Variants in GREB1L observed in about 807,000 individuals in gnomAD.
The protein encoded by GREB1L is GREB1-like protein.
A neutral mutation model predicts 200.8 loss-of-function variants in GREB1L; 17 were observed. The observed-to-expected ratio is 0.08, with a 90% CI of 0.06 to 0.13. The LOEUF (loss-of-function observed/expected upper bound fraction) is 0.13, where lower values mean the gene tolerates loss of function less well. Among genes scored for constraint, GREB1L ranks in the 10% least tolerant of loss-of-function variants. The pLI is 1.00. For synonymous variants in GREB1L, 789 were observed against 893.0 expected, an observed-to-expected ratio of 0.88 and a Z score of 2.08; for missense variants, 1,657 against 2,367.7, an observed-to-expected ratio of 0.70 and a Z score of 6.23.
At chr18:21,266,765 A>C (rs546344080) in intron 1 of GREB1L, among the ~76,000 whole-genome samples, 1 of 152,298 alleles carries the variant, frequency 6.6e-6, no homozygotes, top group South Asian at 2.1e-4. Flanking sequence ...TGAGTTCCAC[A>C]TTAAAGCAGA....
intron 2 of GREB1L, among the ~76,000 whole-genome samples, chr18:21,372,991 C>A (rs889201019): frequency 6.6e-6 from 1 of 151,484 alleles, no homozygotes; most frequent in African/African-American, 2.4e-5. Flanking sequence ...TTATGTTTGG[C>A]CCAAGACATT....
At chr18:21,297,762 T>C (rs1359971620) in intron 1 of GREB1L, among the ~76,000 whole-genome samples, 1 of 152,194 alleles carries the variant, frequency 6.6e-6, no homozygotes, top group African/African-American at 2.4e-5. Flanking sequence ...AGACACCTTT[T>C]AACTTTGTTT....
intron 15 of GREB1L, among the ~76,000 whole-genome samples, chr18:21,468,525 A>T (rs2145638334): frequency 6.6e-6 from 1 of 152,360 alleles, no homozygotes; most frequent in South Asian, 2.1e-4. Context: ...TGGGTAAATT[A>T]TATGTGAATA....
intron 2 of GREB1L, among the ~76,000 whole-genome samples, chr18:21,371,351 T>G (rs2039864390): frequency 6.6e-6 from 1 of 152,136 alleles, no homozygotes; most frequent in Admixed American, 6.6e-5. Flanking sequence ...CTTTGGAACT[T>G]TTACATTATT....
In GREB1L at chr18:21,427,432, G is replaced by A. The variant is rs566576310; in HGVS notation, c.833-12089G>A. ...AGGTGGGAGGATCACATGAGCCCAG[G>A]AACTTGAGGTTGTTGTGAGCTGTGA... On this transcript the variant is annotated intron_variant, in intron 7 of 32. Transcript: ENST00000424526. Among the ~76,000 whole-genome samples, 3 of 152,164 alleles carry A rather than the reference G, an allele frequency of 2.0e-5. No individual in the cohort carries two copies. The South Asian group carries it at 6.2e-4, about 32-fold the overall frequency.
At chr18:21,372,940 CT>C (rs57702520) in intron 2 of GREB1L, among the ~76,000 whole-genome samples, 1 of 150,834 alleles carries the variant, frequency 6.6e-6, no homozygotes, top group Non-Finnish European at 1.5e-5. Context: ...CTTTTCTTTT[CT>C]TTTTTTTTGC....
rs188124722 is a variant in GREB1L, at chr18:21,423,035, A to G, written c.833-16486A>G. ...AACCTCCACCTCCTGGGTTCAAGCAATTCTCCTGCCTCAGCATCCCAAGTA... is the reference window on the plus strand; with the variant it reads ...AACCTCCACCTCCTGGGTTCAAGCAGTTCTCCTGCCTCAGCATCCCAAGTA... On this transcript the variant is annotated intron_variant, in intron 7 of 32. Coordinates refer to ENST00000424526, the MANE Select transcript of GREB1L (RefSeq NM_001142966.3). 2.2e-4 allele frequency among the ~76,000 whole-genome samples: 34 copies of G among 152,254 alleles called. No homozygotes were observed. The East Asian group carries it at 6.0e-3, about 27-fold the overall frequency.
intron 1 of GREB1L, among the ~76,000 whole-genome samples, chr18:21,309,875 T>TA (rs2038763416): frequency 1.3e-5 from 2 of 152,024 alleles, no homozygotes; most frequent in African/African-American, 4.8e-5. Context: ...GCTAAAAACA[T>TA]CCTGCAATGC....
intron 7 of GREB1L, among the ~76,000 whole-genome samples, chr18:21,429,712 T>C (rs1266127461): frequency 2.0e-5 from 3 of 152,210 alleles, no homozygotes; most frequent in Admixed American, 1.3e-4. Flanking sequence ...ATTTAGTCTC[T>C]TTGCTTGTTA....
chr18:21,252,520 G>A (rs1435243394), intron 1 of GREB1L, among the ~76,000 whole-genome samples: 1 of 137,708 alleles, frequency 7.3e-6, no homozygotes, highest in Non-Finnish European at 1.5e-5. Context: ...TCGCACCATT[G>A]CACTCCAGCC....
chr18:21,366,563 T>A (rs2039686254), intron 2 of GREB1L, among the ~76,000 whole-genome samples: 1 of 148,344 alleles, frequency 6.7e-6, no homozygotes. Flanking sequence ...TTTATAAAAG[T>A]TTTTTTTTCT....
chr18:21,483,483 T>C (rs1400906402), intron 17 of GREB1L, among the ~76,000 whole-genome samples: 1 of 152,198 alleles, frequency 6.6e-6, no homozygotes, highest in East Asian at 1.9e-4. Context: ...TGTCATTCAA[T>C]CTATGTTGTC....
At chr18:21,301,177 T>G (rs749899845) in intron 1 of GREB1L, among the ~76,000 whole-genome samples, 33 of 152,370 alleles carry the variant, frequency 2.2e-4, no homozygotes, top group Admixed American at 7.8e-4. Context: ...AATTTGCCAT[T>G]TATTTCATGG....
At chr18:21,318,754 G>A (rs2038909415) in intron 1 of GREB1L, among the ~76,000 whole-genome samples, 1 of 152,158 alleles carries the variant, frequency 6.6e-6, no homozygotes, top group African/African-American at 2.4e-5. Flanking sequence ...TAACCTTGTA[G>A]GAGTCACCAG....
rs376304937 is a variant in GREB1L, at chr18:21,267,345, C to G, written c.-120+24952C>G. Among the ~76,000 whole-genome samples the G allele has an allele frequency of 3.2e-4, 49 of 152,106 alleles. No individual in the cohort carries two copies. The South Asian group carries it at 0.01, about 32-fold the overall frequency. On this transcript the variant is annotated intron_variant, in intron 1 of 32. Coordinates refer to ENST00000424526, the MANE Select transcript of GREB1L (RefSeq NM_001142966.3). ...TACAGGTGCATGCCACCACAGCCAGCTAATTTTTGTATTTTTAGTAGACAC... is the reference window on the plus strand; with the variant it reads ...TACAGGTGCATGCCACCACAGCCAGGTAATTTTTGTATTTTTAGTAGACAC...
At chr18:21,405,343 G>A (rs903543653) in intron 7 of GREB1L, among the ~76,000 whole-genome samples, 27 of 152,272 alleles carry the variant, frequency 1.8e-4, no homozygotes, top group African/African-American at 6.0e-4. Context: ...GATTGATCCC[G>A]TGATATGTTA....
At chr18:21,426,696 C>T (rs995196191) in intron 7 of GREB1L, among the ~76,000 whole-genome samples, 2 of 152,024 alleles carry the variant, frequency 1.3e-5, no homozygotes, top group Non-Finnish European at 2.9e-5. Flanking sequence ...CGGTGGCTCA[C>T]GCCTGTAATC....
chr18:21,416,679 G>A (rs183069251), intron 7 of GREB1L, among the ~76,000 whole-genome samples: 13 of 145,630 alleles, frequency 8.9e-5, no homozygotes, highest in Non-Finnish European at 1.8e-4. Flanking sequence ...GGCTGACAGA[G>A]CAAAACTCCA....
chr18:21,449,629 G>A lies in GREB1L; in HGVS notation c.1513G>A (p.Gly505Arg), dbSNP rs758036097. ...IGAQCVPVSP[G>R]QLPWLARLIA... The stretch of plus-strand genomic sequence containing the variant: ...TGCTCAGTGTGTCCCTGTGTCACCA[G>A]GACAACTCCCCTGGCTTGCTAGATT... The change falls in exon 12 of 33, where the codon GGA (glycine) becomes AGA (arginine). Residue 505 changes from glycine (G) to arginine (R), a missense_variant. By Grantham distance (125) the Gly-to-Arg change is moderately radical. This residue lies in a region of GREB1L where 289 missense variants were observed against 345.1 expected (regional missense o/e 0.84). Transcript: ENST00000424526. 5.2e-6 allele frequency: 8 copies of A among 1,551,466 alleles called. No homozygotes were observed. The highest frequency in any genetic ancestry group is 2.0e-5 in the Admixed American group (1 of 50,964).
Sources: allele counts gnomAD v4.1 joint callset (sites outside exome capture counted in the v4.1 genomes callset), GRCh38; gene constraint gnomAD v4.1.1; regional missense constraint gnomAD v4.1.1; transcripts MANE v1.5; gene names NCBI Gene and HGNC (gene_info 2026-07-23, HGNC 2026-07-21).